PPARGC1A: variants seen among roughly 807,000 people sequenced by gnomAD.
The protein encoded by PPARGC1A is peroxisome proliferator-activated receptor gamma coactivator 1-alpha.
Under a neutral mutation model 88.7 loss-of-function variants are expected in PPARGC1A, and 25 were observed. The ratio of observed to expected loss-of-function variants is 0.28; its 90% confidence interval spans 0.21 to 0.39. PPARGC1A has a LOEUF of 0.39. PPARGC1A is among the 10% of genes least tolerant of loss of function. The pLI is 1.00. For missense variants in PPARGC1A, 880 were observed against 968.7 expected (o/e 0.91, Z 1.22); for synonymous variants, 363 against 355.6 (o/e 1.02, Z -0.24).
chr4:24,037,447 A>G, the PPARGC1A span, among the ~76,000 whole-genome samples: 1 of 152,200 alleles, frequency 6.6e-6, no homozygotes, highest in East Asian at 1.9e-4. Flanking sequence ...AGAATATTTA[A>G]GTAGAAATTA....
At chr4:24,322,185 G>T in the PPARGC1A span, among the ~76,000 whole-genome samples, 1 of 152,090 alleles carries the variant, frequency 6.6e-6, no homozygotes, top group Non-Finnish European at 1.5e-5. Flanking sequence ...CGCTTATTTT[G>T]CCCACATACC....
chr4:24,273,502 T>C, the PPARGC1A span, among the ~76,000 whole-genome samples: 1 of 152,102 alleles, frequency 6.6e-6, no homozygotes. Flanking sequence ...AGAGACACTG[T>C]ATCATCTCAG....
chr4:23,820,637 AC>A, intron 7 of PPARGC1A: 1 of 441,506 alleles, frequency 2.3e-6, no homozygotes, highest in Non-Finnish European at 4.6e-6. Flanking sequence ...TAGTTTTTAC[AC>A]CTGTAAAAGA....
At chr4:24,105,989 C>G in the PPARGC1A span, among the ~76,000 whole-genome samples, 1 of 152,192 alleles carries the variant, frequency 6.6e-6, no homozygotes, top group African/African-American at 2.4e-5. Context: ...GAAGCACTAA[C>G]TCATTTCAGC....
Position 23,808,888 on chromosome 4 carries a change from G to A in PPARGC1A, c.2019+3859C>T, listed in dbSNP as rs571783610. On this transcript the variant is annotated intron_variant, in intron 10 of 12. Coordinates refer to ENST00000264867, the MANE Select transcript of PPARGC1A (RefSeq NM_013261.5). ...TTATGGAACTCAAAATAGAAGTAAT[G>A]CAGACAAAGGTTAAAAAGATGACTT... Among the ~76,000 whole-genome samples the A allele has an allele frequency of 2.8e-4, 42 of 152,110 alleles. 1 individual carries two copies. In the South Asian group the frequency reaches 8.5e-3, roughly 31 times the overall value.
At chr4:24,290,600 C>T in the PPARGC1A span, among the ~76,000 whole-genome samples, 2 of 152,152 alleles carry the variant, frequency 1.3e-5, no homozygotes, top group Non-Finnish European at 2.9e-5. Context: ...ATCATGATTT[C>T]CTTGAATGCC....
At chr4:24,407,778 GGTT>G in the PPARGC1A span, among the ~76,000 whole-genome samples, 1 of 152,212 alleles carries the variant, frequency 6.6e-6, no homozygotes, top group East Asian at 1.9e-4. Context: ...TCTTTTATTG[GGTT>G]GTTATGAAAA....
the PPARGC1A span, among the ~76,000 whole-genome samples, chr4:24,365,272 G>A: frequency 6.6e-6 from 1 of 151,962 alleles, no homozygotes; most frequent in Non-Finnish European, 1.5e-5. Context: ...TTAAAAATAT[G>A]TTCCCAAGAT....
intron 2 of PPARGC1A, among the ~76,000 whole-genome samples, chr4:23,834,351 T>G (rs1276281057): frequency 1.3e-5 from 2 of 151,276 alleles, no homozygotes; most frequent in East Asian, 3.9e-4. Flanking sequence ...TAGCTGGGTG[T>G]GGTAGCACAT....
intron 7 of PPARGC1A, among the ~76,000 whole-genome samples, chr4:23,816,220 C>T (rs1364555147): frequency 6.6e-6 from 1 of 152,162 alleles, no homozygotes; most frequent in East Asian, 1.9e-4. Context: ...GTACTCCACT[C>T]ATGGTCACAC....
At chr4:23,802,085 AG>A (rs1477140008) in intron 11 of PPARGC1A, 138 bp downstream of exon 11, 1 of 1,344,504 alleles carries the variant, frequency 7.4e-7, no homozygotes. Context: ...CAGGGATGAA[AG>A]AAAATAAATA....
At chr4:24,340,782 T>A in the PPARGC1A span, among the ~76,000 whole-genome samples, 3 of 151,786 alleles carry the variant, frequency 2.0e-5, no homozygotes, top group Non-Finnish European at 2.9e-5. Flanking sequence ...AAGAAGACAG[T>A]TCTGTTTGAA....
At chr4:24,406,438 A>G in the PPARGC1A span, among the ~76,000 whole-genome samples, 2 of 152,182 alleles carry the variant, frequency 1.3e-5, no homozygotes, top group African/African-American at 4.8e-5. Flanking sequence ...ACTGGATATC[A>G]AATTAAACTG....
chr4:24,163,400 G>A, the PPARGC1A span, among the ~76,000 whole-genome samples: 2 of 151,816 alleles, frequency 1.3e-5, no homozygotes, highest in Admixed American at 1.3e-4. Flanking sequence ...GCCCTGTCGG[G>A]GTTCACCAAC....
the PPARGC1A span, among the ~76,000 whole-genome samples, chr4:24,235,215 A>G: frequency 6.6e-6 from 1 of 152,234 alleles, no homozygotes; most frequent in Non-Finnish European, 1.5e-5. Context: ...ACTGACATTT[A>G]TAAGAATCAA....
chr4:23,814,038 C>T lies in PPARGC1A; in HGVS notation c.1445G>A (p.Gly482Asp), dbSNP rs145793977. 2 of 1,614,018 alleles carry T rather than the reference C, an allele frequency of 1.2e-6. No individual in the cohort carries two copies. Among genetic ancestry groups the T allele is most frequent in the African/African-American group, 1.3e-5 (1 of 75,030 alleles). The stretch of plus-strand genomic sequence containing the variant: ...ACTGAAATCACTGTCCCTCAGTTCA[C>T]CGGTCTTGTCTGCTTCGTCGTCAAA... ...AVFDDEADKT[G>D]ELRDSDFSNE... is the part of the protein sequence containing the mutation. Residue 482 changes from glycine to aspartate, a missense_variant, in exon 8 of 13, where the codon GGT becomes GAT. Coordinates refer to ENST00000264867, the MANE Select transcript of PPARGC1A (RefSeq NM_013261.5).
chr4:23,961,267 C>T, the PPARGC1A span, among the ~76,000 whole-genome samples: 5 of 151,862 alleles, frequency 3.3e-5, no homozygotes, highest in East Asian at 1.9e-4. Flanking sequence ...TCACTGCACT[C>T]GAAAGAAGAA....
At chr4:24,207,642 C>T in the PPARGC1A span, among the ~76,000 whole-genome samples, 2 of 152,192 alleles carry the variant, frequency 1.3e-5, no homozygotes, top group Non-Finnish European at 2.9e-5. Context: ...AATCAATTTT[C>T]TCCTAAATTT....
the PPARGC1A span, among the ~76,000 whole-genome samples, chr4:23,928,823 T>C: frequency 7.1e-6 from 1 of 140,506 alleles, no homozygotes; most frequent in East Asian, 2.1e-4. Flanking sequence ...GTAGGGGACA[T>C]GGATGGAGCT....
Sources: gnomAD v4.1 joint callset for allele counts (sites outside exome capture counted in the v4.1 genomes callset) on GRCh38, gnomAD v4.1.1 for gene constraint, MANE v1.5 for transcripts, NCBI Gene and HGNC (gene_info 2026-07-23, HGNC 2026-07-21) for gene names.